Variants in NECTIN1 observed in about 807,000 individuals in gnomAD.
NECTIN1 encodes nectin-1.
A neutral mutation model predicts 48.0 loss-of-function variants in NECTIN1; 23 were observed. The observed-to-expected ratio is 0.48, with a 90% CI of 0.34 to 0.68. NECTIN1 has a LOEUF of 0.68. Ranked by LOEUF, NECTIN1 falls within the 30% of genes least tolerant of loss-of-function variation. The probability of loss-of-function intolerance (pLI) is 0.01; values close to 1 mark genes in which losing one functional copy is unlikely to be tolerated. For missense variants in NECTIN1, 591 were observed against 709.9 expected (o/e 0.83, Z 1.90); for synonymous variants, 270 against 288.9 (o/e 0.93, Z 0.66).
intron 1 of NECTIN1, among the ~76,000 whole-genome samples, chr11:119,705,566 G>A (rs927616707): frequency 6.6e-6 from 1 of 152,268 alleles, no homozygotes; most frequent in Non-Finnish European, 1.5e-5. Context: ...CGTGGCGGGA[G>A]AGCGTCTGGT....
At chr11:119,660,854 G>T, downstream of NECTIN1, 1 of 308,968 alleles carries the variant, frequency 3.2e-6, no homozygotes, top group Non-Finnish European at 4.7e-6. Context: ...CAGGGCTCCT[G>T]CTCCTCTGGA....
chr11:119,706,198 C>T (rs948684605), intron 1 of NECTIN1, among the ~76,000 whole-genome samples: 1 of 152,228 alleles, frequency 6.6e-6, no homozygotes, highest in African/African-American at 2.4e-5. Context: ...GATCAAATAA[C>T]TTCTCACTCA....
In NECTIN1 at chr11:119,683,533, G is replaced by A. The variant is rs1865097199; in HGVS notation, c.80-4768C>T. Among the ~76,000 whole-genome samples the A allele has an allele frequency of 6.6e-6, 1 of 151,962 alleles. No homozygotes were observed. On this transcript the variant is annotated intron_variant, in intron 1 of 5. Coordinates refer to ENST00000264025, the MANE Select transcript of NECTIN1 (RefSeq NM_002855.5). The surrounding 1 kb of genome is among the most constrained non-coding windows in gnomAD (Gnocchi z 4.0). ...GCATCTGCAGGTCACCTGACTGGGT[G>A]TCAGGTGATAGGTCAGAAACAGGGG...
chr11:119,711,367 G>A (rs1275372587), intron 1 of NECTIN1, among the ~76,000 whole-genome samples: 1 of 150,986 alleles, frequency 6.6e-6, no homozygotes, highest in East Asian at 2.0e-4. Flanking sequence ...TCCAGCCTGG[G>A]CAACAGAGTG....
rs1051657215 is a variant in NECTIN1, at chr11:119,661,396, C to A, written c.*3351G>T. 7.1e-6 allele frequency: 7 copies of A among 985,922 alleles called. No individual in the cohort carries two copies. The South Asian group carries it at 3.3e-4, about 46-fold the overall frequency. The allele number at this position is 985,922 out of a possible 1,614,324, so 61.1% of individuals were successfully genotyped here. A position where few individuals can be genotyped will look rare whatever the true frequency, so the allele number is the denominator to read the frequency against. ...AGAGGGGCCTGCCTCCTGGCATCCC[C>A]GGTACTGGGCAGTGTGTGAAGCCTC... is the stretch of plus-strand genomic sequence containing the variant. On this transcript the variant is annotated 3_prime_UTR_variant, in exon 6 of 6. Transcript: ENST00000264025.
intron 1 of NECTIN1, among the ~76,000 whole-genome samples, chr11:119,687,056 C>T (rs1302554554): frequency 6.6e-6 from 1 of 152,136 alleles, no homozygotes; most frequent in East Asian, 1.9e-4. Flanking sequence ...GAAAGTGAGG[C>T]CTCACACCTG....
rs1488687712 is a variant in NECTIN1, at chr11:119,675,392, G to A, written c.852-82C>T. 15 of 1,488,704 alleles carry A rather than the reference G, an allele frequency of 1.0e-5. No individual in the cohort carries two copies. In the East Asian group the frequency reaches 3.2e-4, roughly 31 times the overall value. 92.2% of individuals were successfully genotyped at this position (1,488,704 alleles called of 1,614,324 possible). A position where few individuals can be genotyped will look rare whatever the true frequency, so the allele number is the denominator to read the frequency against. On this transcript the variant is annotated intron_variant, in intron 4 of 5. Transcript: ENST00000264025. Reference sequence around the variant, plus strand: ...TTCCTGGGTCACCCACTTGGCTCCAGGCCCCCTAGCCTTTTGCTGAGCTTG... The same window carrying A: ...TTCCTGGGTCACCCACTTGGCTCCAAGCCCCCTAGCCTTTTGCTGAGCTTG...
Position 119,661,129 on chromosome 11 carries a change from C to A in NECTIN1, c.*3618G>T. 1 of 985,814 alleles carries A rather than the reference C, an allele frequency of 1.0e-6. No homozygotes were observed. The highest frequency in any genetic ancestry group is 4.7e-5 in the South Asian group (1 of 21,288). 61.1% of individuals were successfully genotyped at this position (985,814 alleles called of 1,614,324 possible). ...GTCAGAACCAGGAGGATCTGCTGGG[C>A]TGTCCCTGGACCAAAGGCGGAAAGG... On this transcript the variant is annotated 3_prime_UTR_variant, in exon 6 of 6. Coordinates refer to ENST00000264025, the MANE Select transcript of NECTIN1 (RefSeq NM_002855.5).
At chr11:119,657,025 C>T (rs533021953), downstream of NECTIN1, among the ~76,000 whole-genome samples, 3 of 152,216 alleles carry the variant, frequency 2.0e-5, no homozygotes, top group Non-Finnish European at 4.4e-5. Flanking sequence ...GGTGTGGCTC[C>T]ATCCTGCCCC....
In NECTIN1 at chr11:119,729,105, G is replaced by A. The variant is rs956393946; in HGVS notation, c.-552C>T. ...CTGCGCGGCCGGGCGCGAGGAGAAC[G>A]GGTCGGAGGCGCCGCGCGTCCCAGC... is the stretch of plus-strand genomic sequence containing the variant. On this transcript the variant is annotated 5_prime_UTR_variant, in exon 1 of 6. Transcript: ENST00000264025. 2.6e-5 allele frequency: 4 copies of A among 151,558 alleles called. No individual in the cohort carries two copies. The highest frequency in any genetic ancestry group is 9.7e-5 in the African/African-American group (4 of 41,284). 9.4% of individuals were successfully genotyped at this position (151,558 alleles called of 1,614,324 possible). A position where few individuals can be genotyped will look rare whatever the true frequency, so the allele number is the denominator to read the frequency against.
chr11:119,713,708 T>C (rs1591484727), intron 1 of NECTIN1: 14 of 375,626 alleles, frequency 3.7e-5, no homozygotes, highest in South Asian at 2.7e-4. Context: ...AAGCTTGGCC[T>C]GGATGACCTG....
intron 1 of NECTIN1, among the ~76,000 whole-genome samples, chr11:119,691,298 T>A (rs1277951506): frequency 1.3e-5 from 2 of 152,232 alleles, no homozygotes; most frequent in Non-Finnish European, 2.9e-5. Context: ...TCAGCTCCTC[T>A]GGAGCTCCAG....
downstream of NECTIN1, among the ~76,000 whole-genome samples, chr11:119,658,705 C>A (rs1298640141): frequency 5.3e-5 from 8 of 152,198 alleles, no homozygotes; most frequent in Admixed American, 5.2e-4. Flanking sequence ...AAATATGGAT[C>A]CTGCAAACTC....
Position 119,677,427 on chromosome 11 carries a change from G to C in NECTIN1, c.733+128C>G, listed in dbSNP as rs1323889914. The C allele has an allele frequency of 1.8e-6, 2 of 1,141,230 alleles. No homozygotes were observed. The highest frequency in any genetic ancestry group is 3.1e-5 in the African/African-American group (2 of 65,520). 70.7% of individuals were successfully genotyped at this position (1,141,230 alleles called of 1,614,324 possible). On this transcript the variant is annotated intron_variant, in intron 3 of 5. Coordinates refer to ENST00000264025, the MANE Select transcript of NECTIN1 (RefSeq NM_002855.5). This position sits in a 1 kb window ranked among gnomAD's most constrained non-coding sequence, Gnocchi z 5.4. ...GAGGAGAGAAAACGAGCAAAGGGAGGAGATAGGGGAGACAGGAGGGGAGAA... is the reference window on the plus strand; with the variant it reads ...GAGGAGAGAAAACGAGCAAAGGGAGCAGATAGGGGAGACAGGAGGGGAGAA...
chr11:119,716,852 G>T lies in NECTIN1; in HGVS notation c.79+11623C>A, dbSNP rs144604412. On this transcript the variant is annotated intron_variant, in intron 1 of 5. Transcript: ENST00000264025. Reference sequence around the variant, plus strand: ...TAATCAGAAGCAGGCGCGTGCACACGCGCGCGCACGCACGCACGCACACAC... The same window carrying T: ...TAATCAGAAGCAGGCGCGTGCACACTCGCGCGCACGCACGCACGCACACAC... Among the ~76,000 whole-genome samples, 365 of 152,312 alleles carry T rather than the reference G, an allele frequency of 2.4e-3. 4 individuals carry two copies. Among genetic ancestry groups the T allele is most frequent in the African/African-American group, 8.0e-3 (333 of 41,576 alleles).
Position 119,678,001 on chromosome 11 carries a change from G to A in NECTIN1, c.431-144C>T. The stretch of plus-strand genomic sequence containing the variant: ...TCTCAGCTGTGCTGCACCAAAGACT[G>A]TCCCAGAACCTCTTGCAGGAAGTTC... On this transcript the variant is annotated intron_variant, in intron 2 of 5. Coordinates refer to ENST00000264025, the MANE Select transcript of NECTIN1 (RefSeq NM_002855.5). The surrounding 1 kb of genome is among the most constrained non-coding windows in gnomAD (Gnocchi z 4.4). 1 of 810,050 alleles carries A rather than the reference G, an allele frequency of 1.2e-6. No individual in the cohort carries two copies. The highest frequency in any genetic ancestry group is 2.1e-6 in the Non-Finnish European group (1 of 484,186). The allele number at this position is 810,050 out of a possible 1,614,324, so 50.2% of individuals were successfully genotyped here. A position where few individuals can be genotyped will look rare whatever the true frequency, so the allele number is the denominator to read the frequency against.
chr11:119,690,357 C>T (rs1352738258), intron 1 of NECTIN1, among the ~76,000 whole-genome samples: 1 of 152,246 alleles, frequency 6.6e-6, no homozygotes, highest in Non-Finnish European at 1.5e-5. Context: ...GGCTTCCTTG[C>T]TTCCTTGCCA....
At chr11:119,713,228 G>A (rs1865685586) in intron 1 of NECTIN1, among the ~76,000 whole-genome samples, 1 of 152,150 alleles carries the variant, frequency 6.6e-6, no homozygotes, top group Non-Finnish European at 1.5e-5. Context: ...GGGGGCAGAG[G>A]CCTATGGAGG....
chr11:119,647,392 C>G (rs959985849), intron 5 of NECTIN1, among the ~76,000 whole-genome samples: 1 of 151,898 alleles, frequency 6.6e-6, no homozygotes, highest in Non-Finnish European at 1.5e-5. Flanking sequence ...TGAGCAAGGC[C>G]GACTCTGAAC....
Sources: gnomAD v4.1 joint callset for allele counts (sites outside exome capture counted in the v4.1 genomes callset) on GRCh38, gnomAD v4.1.1 for gene constraint, Gnocchi (gnomAD v3.1) non-coding constraint, MANE v1.5 for transcripts, NCBI Gene and HGNC (gene_info 2026-07-23, HGNC 2026-07-21) for gene names.